The following CSMD3 variants were observed in gnomAD, a reference collection of about 807,000 sequenced individuals.
CSMD3 encodes CUB and Sushi multiple domains 3.
CSMD3 carries 177 observed loss-of-function variants against 435.2 expected under a neutral mutation model. The observed-to-expected ratio is 0.41, with a 90% confidence interval of 0.36 to 0.46. The LOEUF is 0.46. CSMD3 is among the 20% of genes least tolerant of loss of function. CSMD3 has a pLI of 0.34. For synonymous variants in CSMD3, 1,656 were observed against 1,520.5 expected (o/e 1.09, Z -2.07); for missense variants, 4,265 against 4,504.6 (o/e 0.95, Z 1.52).
chr8:112,733,663 G>A lies in CSMD3; in HGVS notation c.1973-43613C>T, dbSNP rs1178793121. 1.3e-5 allele frequency among the ~76,000 whole-genome samples: 2 copies of A among 151,782 alleles called. 1 individual carries two copies. Among genetic ancestry groups the A allele is most frequent in the Non-Finnish European group, 2.9e-5 (2 of 67,864 alleles). On this transcript the variant is annotated intron_variant, in intron 13 of 70. Coordinates refer to ENST00000297405, the MANE Select transcript of CSMD3 (RefSeq NM_198123.2). ...GCATTTACAACTTTTATTAAACATT[G>A]TATTTTGAAAGGACCTTTTAGTCAA...
intron 9 of CSMD3, among the ~76,000 whole-genome samples, chr8:112,922,822 A>G (rs1425526854): frequency 6.6e-6 from 1 of 152,098 alleles, no homozygotes; most frequent in East Asian, 1.9e-4. Flanking sequence ...AACCAAAGAG[A>G]GATTATATTT....
intron 1 of CSMD3, among the ~76,000 whole-genome samples, chr8:113,414,155 G>A (rs948514447): frequency 7.2e-5 from 11 of 152,170 alleles, no homozygotes; most frequent in African/African-American, 2.7e-4. Context: ...CAATATGGTA[G>A]CCACTGGCCA....
intron 32 of CSMD3, among the ~76,000 whole-genome samples, chr8:112,465,257 C>T (rs61000735): frequency 0.24 from 35,861 of 152,022 alleles, 4,639 homozygotes; most frequent in African/African-American, 0.33. Context: ...TATTAAAGGC[C>T]TCAAAATCAA....
intron 12 of CSMD3, among the ~76,000 whole-genome samples, chr8:112,809,904 G>A (rs1027536767): frequency 7.9e-5 from 12 of 152,160 alleles, no homozygotes; most frequent in African/African-American, 1.9e-4. Flanking sequence ...AATCATTGAA[G>A]GAGGTAGCAC....
At chr8:113,229,784 C>T (rs558384600) in intron 3 of CSMD3, among the ~76,000 whole-genome samples, 7 of 151,734 alleles carry the variant, frequency 4.6e-5, no homozygotes, top group African/African-American at 1.4e-4. Flanking sequence ...GTTTTCTCGG[C>T]CTAAAATTTT....
chr8:112,372,687 T>C (rs1828520789), intron 38 of CSMD3, among the ~76,000 whole-genome samples: 1 of 151,456 alleles, frequency 6.6e-6, no homozygotes, highest in African/African-American at 2.4e-5. Context: ...CTGTCTCTAG[T>C]AAAATACAAA....
chr8:113,189,505 A>G (rs1003718547), intron 3 of CSMD3, among the ~76,000 whole-genome samples: 19 of 151,842 alleles, frequency 1.3e-4, no homozygotes, highest in African/African-American at 4.1e-4. Context: ...ATTAAGTATT[A>G]CTGGACTTTC....
At chr8:112,985,618 A>G (rs2085227367) in intron 6 of CSMD3, among the ~76,000 whole-genome samples, 1 of 152,130 alleles carries the variant, frequency 6.6e-6, no homozygotes, top group Non-Finnish European at 1.5e-5. Context: ...ATGAGTGGTG[A>G]GCAAGCGAGC....
At chr8:112,741,158 C>T (rs992826660) in intron 13 of CSMD3, among the ~76,000 whole-genome samples, 9 of 151,720 alleles carry the variant, frequency 5.9e-5, no homozygotes, top group African/African-American at 1.9e-4. Flanking sequence ...TATGATGTGT[C>T]ATCAAGAAGG....
intron 7 of CSMD3, among the ~76,000 whole-genome samples, chr8:112,961,248 A>T (rs1199661597): frequency 6.6e-6 from 1 of 151,738 alleles, no homozygotes; most frequent in African/African-American, 2.4e-5. Context: ...TGTCTTTTTC[A>T]CTATGTAGGG....
intron 13 of CSMD3, among the ~76,000 whole-genome samples, chr8:112,761,039 T>A (rs745703475): frequency 3.1e-4 from 47 of 152,182 alleles, no homozygotes; most frequent in South Asian, 2.1e-4. Context: ...GAAGACTGAT[T>A]AAGAGTTCAC....
intron 59 of CSMD3, among the ~76,000 whole-genome samples, chr8:112,270,347 T>TGTGTGTGTGTGA (rs1442807870): frequency 3.9e-3 from 67 of 17,176 alleles, no homozygotes; most frequent in Non-Finnish European, 6.4e-3. Context: ...GGGGTGAGTG[T>TGTGTGTGTGTGA]GTGTGTGTGT....
chr8:112,506,896 T>G, intron 28 of CSMD3, 67 bp from the exon 29 acceptor site: 2 of 1,419,402 alleles, frequency 1.4e-6, no homozygotes, highest in Non-Finnish European at 2.0e-6. Context: ...ATCAATATTT[T>G]TGAAATCACG....
chr8:112,959,869 CAG>C (rs1176065777), intron 7 of CSMD3, among the ~76,000 whole-genome samples: 1 of 151,790 alleles, frequency 6.6e-6, no homozygotes, highest in Non-Finnish European at 1.5e-5. Context: ...AATATTAAAA[CAG>C]AGTGTGTTAT....
At chr8:113,222,838 T>C (rs1479951578) in intron 3 of CSMD3, among the ~76,000 whole-genome samples, 1 of 151,072 alleles carries the variant, frequency 6.6e-6, no homozygotes, top group African/African-American at 2.4e-5. Flanking sequence ...TCAAAGAAAT[T>C]GGAATTTTTG....
At position 112,362,573 on chromosome 8, in the gene CSMD3, C is replaced by T. The variant is rs2131127174; in HGVS notation, c.6137-10039G>A. Among the ~76,000 whole-genome samples, 2 of 152,020 alleles carry T rather than the reference C, an allele frequency of 1.3e-5. 1 individual carries two copies. Among genetic ancestry groups the T allele is most frequent in the South Asian group, 4.2e-4 (2 of 4,816 alleles). ...CATTCAATAAGCTGTTGGTGAGTAC[C>T]TATTGCGTGCTCTGTATCATGTTAC... On this transcript the variant is annotated intron_variant, in intron 38 of 70. Transcript: ENST00000297405.
chr8:112,365,991 A>C (rs1204238383), intron 38 of CSMD3, among the ~76,000 whole-genome samples: 2 of 152,196 alleles, frequency 1.3e-5, no homozygotes, highest in Non-Finnish European at 2.9e-5. Context: ...ATTTCAATGG[A>C]AATTTTAAAC....
intron 13 of CSMD3, among the ~76,000 whole-genome samples, chr8:112,775,449 CTTATA>C (rs140179032): frequency 0.012 from 1,787 of 151,788 alleles, 35 homozygotes; most frequent in African/African-American, 0.039. Flanking sequence ...TTCCTTGTTA[CTTATA>C]TTATATACAA....
intron 53 of CSMD3, among the ~76,000 whole-genome samples, chr8:112,297,704 A>G (rs1254376691): frequency 6.6e-6 from 1 of 152,194 alleles, no homozygotes. Flanking sequence ...TACGTAGAAA[A>G]TTATATTTTT....
Sources: gnomAD v4.1 joint callset for allele counts (sites outside exome capture counted in the v4.1 genomes callset) on GRCh38, gnomAD v4.1.1 for gene constraint, MANE v1.5 for transcripts, NCBI Gene and HGNC (gene_info 2026-07-23, HGNC 2026-07-21) for gene names.